Variants in ZDHHC15 observed in about 807,000 individuals in gnomAD.
ZDHHC15 encodes the protein palmitoyltransferase ZDHHC15.
In ZDHHC15, 19 loss-of-function variants were observed where a neutral mutation model predicts 31.7. The ratio of observed to expected loss-of-function variants is 0.60; its 90% CI spans 0.42 to 0.88. The LOEUF is 0.88. ZDHHC15 is among the 40% of genes least tolerant of loss of function. The probability of loss-of-function intolerance (pLI) is 0.00; values close to 1 mark genes in which losing one functional copy is unlikely to be tolerated. For synonymous variants in ZDHHC15, 103 were observed against 90.0 expected, an observed-to-expected ratio of 1.14 and a Z score of -0.82; for missense variants, 209 against 251.2, an observed-to-expected ratio of 0.83 and a Z score of 1.14.
chrX:75,410,209 T>C (rs1402328686), intron 10 of ZDHHC15, among the ~76,000 whole-genome samples: 2 of 110,717 alleles, frequency 1.8e-5, no homozygotes, highest in Non-Finnish European at 3.8e-5. Context: ...AATAGACAAT[T>C]GGGATTACAT....
At chrX:75,485,579 G>C (rs531735313) in intron 2 of ZDHHC15, among the ~76,000 whole-genome samples, 2 of 111,210 alleles carry the variant, frequency 1.8e-5, no homozygotes, top group Non-Finnish European at 3.8e-5. Context: ...AGGCATGTTG[G>C]GAAAGGCAAA....
intron 1 of ZDHHC15, among the ~76,000 whole-genome samples, chrX:75,514,147 C>T (rs2148067584): frequency 8.9e-6 from 1 of 112,830 alleles, no homozygotes; most frequent in East Asian, 2.8e-4. Context: ...ACTGAAAAGG[C>T]ACTCACTGTA....
At chrX:75,447,448 A>G in intron 4 of ZDHHC15, among the ~76,000 whole-genome samples, 1 of 112,154 alleles carries the variant, frequency 8.9e-6, no homozygotes, top group Non-Finnish European at 1.9e-5. Context: ...CAGTAGGCCC[A>G]TGCTTGTGGA....
rs1411726996 is a variant in ZDHHC15 at position 75,368,663 on chromosome X, T to C, written c.*4315A>G. The stretch of plus-strand genomic sequence containing the variant: ...AGACCCACTGCCAGCTTTCCTTTTA[T>C]GTTCCTTCACTGATTAAGCCAGCAG... On this transcript the variant is annotated 3_prime_UTR_variant, in exon 12 of 12. Coordinates refer to ENST00000373367, the MANE Select transcript of ZDHHC15 (RefSeq NM_144969.3). 8.9e-6 allele frequency: 1 copy of C among 111,914 alleles called. No individual in the cohort carries two copies. The highest frequency in any genetic ancestry group is 1.9e-5 in the Non-Finnish European group (1 of 53,196). 9.2% of individuals were successfully genotyped at this position (111,914 alleles called of 1,213,427 possible).
chrX:75,448,061 A>G (rs1340191104), intron 4 of ZDHHC15, among the ~76,000 whole-genome samples: 1 of 112,409 alleles, frequency 8.9e-6, no homozygotes, highest in East Asian at 2.8e-4. Context: ...GTAAACTGGT[A>G]TAATAGACTT....
In ZDHHC15 at chrX:75,427,291, G is replaced by GAA. The variant is rs34333994; in HGVS notation, c.603+1785_603+1786dup. 9.6e-3 allele frequency among the ~76,000 whole-genome samples: 1,034 copies of GAA among 107,401 alleles called. 17 individuals are homozygous for GAA. The highest frequency in any genetic ancestry group is 0.033 in the African/African-American group (993 of 29,705). The allele number at this position is 107,401 out of a possible 115,157, so 93.3% of individuals were successfully genotyped here. On this transcript the variant is annotated intron_variant, in intron 7 of 11. Transcript: ENST00000373367. The stretch of plus-strand genomic sequence containing the variant: ...GAGGCATGAGCTAGCCTACTGTGGA[G>GAA]AAAAAAAATGAGGGAATAGAAAGAG...
chrX:75,431,728 G>C (rs1016435848), intron 4 of ZDHHC15, among the ~76,000 whole-genome samples: 1 of 110,804 alleles, frequency 9.0e-6, no homozygotes, highest in Non-Finnish European at 1.9e-5. Flanking sequence ...ACTTTTGGGG[G>C]CTGAAAGGAA....
At chrX:75,519,860 C>A (rs900794068) in intron 1 of ZDHHC15, among the ~76,000 whole-genome samples, 1 of 111,778 alleles carries the variant, frequency 8.9e-6, no homozygotes, top group Non-Finnish European at 1.9e-5. Context: ...CTGGTTCAGC[C>A]AGAGTTGAAA....
intron 8 of ZDHHC15, among the ~76,000 whole-genome samples, chrX:75,422,759 C>T (rs777058319): frequency 2.7e-5 from 3 of 110,915 alleles, no homozygotes; most frequent in Admixed American, 1.9e-4. Flanking sequence ...CAACTAGGGG[C>T]TACATACATA....
Position 75,489,474 on chromosome X carries a change from C to A in ZDHHC15, c.164-10489G>T, listed in dbSNP as rs756794801. The stretch of plus-strand genomic sequence containing the variant: ...GCAGCCTCCACTGCTGATACCCAGG[C>A]AAACAGGGTCTAGAGTGGACCTCCT... On this transcript the variant is annotated intron_variant, in intron 2 of 11. Coordinates refer to ENST00000373367, the MANE Select transcript of ZDHHC15 (RefSeq NM_144969.3). Among the ~76,000 whole-genome samples the A allele has an allele frequency of 5.3e-5, 6 of 112,159 alleles. No homozygotes were observed. In the East Asian group the frequency reaches 1.7e-3, roughly 32 times the overall value.
chrX:75,440,480 C>T (rs1359939440), intron 4 of ZDHHC15, among the ~76,000 whole-genome samples: 7 of 111,811 alleles, frequency 6.3e-5, no homozygotes, highest in African/African-American at 1.3e-4. Context: ...AGGGTTTCAC[C>T]GTGTTAGCCA....
chrX:75,468,665 C>G (rs1048761114), intron 3 of ZDHHC15, among the ~76,000 whole-genome samples: 3 of 111,551 alleles, frequency 2.7e-5, no homozygotes, highest in Non-Finnish European at 5.6e-5. Flanking sequence ...ATCAGTCATA[C>G]CATTTTACAT....
chrX:75,450,710 G>GA (rs755225120), intron 4 of ZDHHC15, 92 bp downstream of exon 4: 47 of 1,198,128 alleles, frequency 3.9e-5, no homozygotes, highest in South Asian at 3.6e-4. Flanking sequence ...AAGATGGGAG[G>GA]AAAAAAAAGG....
chrX:75,492,085 G>T (rs1403262713), intron 2 of ZDHHC15, among the ~76,000 whole-genome samples: 1 of 111,208 alleles, frequency 9.0e-6, no homozygotes, highest in Non-Finnish European at 1.9e-5. Context: ...CAAAATAAAG[G>T]GATGGAGGAA....
intron 2 of ZDHHC15, among the ~76,000 whole-genome samples, chrX:75,480,336 C>A (rs1045198211): frequency 9.0e-6 from 1 of 111,464 alleles, no homozygotes; most frequent in African/African-American, 3.3e-5. Flanking sequence ...GGCACAACAC[C>A]TCTTTGGTGT....
Position 75,445,490 on chromosome X carries a change from A to G in ZDHHC15, c.379+5312T>C, listed in dbSNP as rs138987751. On this transcript the variant is annotated intron_variant, in intron 4 of 11. Coordinates refer to ENST00000373367, the MANE Select transcript of ZDHHC15 (RefSeq NM_144969.3). ...AAAATGAGGTTGGCTTGTAGCTTCT[A>G]ACATGACTGAACAAAGTGCTAAAAG... 9.3e-3 allele frequency among the ~76,000 whole-genome samples: 1,042 copies of G among 112,172 alleles called. 15 individuals are homozygous for G. The highest frequency in any genetic ancestry group is 0.032 in the African/African-American group (976 of 30,868).
chrX:75,502,975 ATAAC>A (rs953873870), intron 2 of ZDHHC15, among the ~76,000 whole-genome samples: 4 of 110,975 alleles, frequency 3.6e-5, no homozygotes, highest in Admixed American at 1.9e-4. Context: ...ATATTTAAAA[ATAAC>A]TAAATGGTAT....
intron 10 of ZDHHC15, among the ~76,000 whole-genome samples, chrX:75,389,774 A>C (rs1391272264): frequency 9.0e-6 from 1 of 110,926 alleles, no homozygotes; most frequent in Non-Finnish European, 1.9e-5. Context: ...GTGTCACCCA[A>C]CATATGCACA....
rs1214549577 is a variant in ZDHHC15 at position 75,450,860 on chromosome X, C to T, written c.321G>A (p.Lys107=). The change falls in exon 4 of 12, where the codon AAG becomes AAA. Residue 107 remains lysine (K), a synonymous_variant. Coordinates refer to ENST00000373367, the MANE Select transcript of ZDHHC15 (RefSeq NM_144969.3). ...TTTTGGCCATATCAACAAGCATCTG[C>T]TTCTGGACCTCAGGTCTTTCTTCAT... The part of the protein sequence containing the change: ...YENEERPEVQ[K]QMLVDMAKKL... 2 of 1,209,058 alleles carry T rather than the reference C, an allele frequency of 1.7e-6. No homozygotes were observed. Among genetic ancestry groups the T allele is most frequent in the African/African-American group, 1.8e-5 (1 of 57,123 alleles).
Sources: gnomAD v4.1 joint callset for allele counts (sites outside exome capture counted in the v4.1 genomes callset) on GRCh38, gnomAD v4.1.1 for gene constraint, MANE v1.5 for transcripts, NCBI Gene and HGNC (gene_info 2026-07-23, HGNC 2026-07-21) for gene names.